SPSB4: variants seen among roughly 807,000 people sequenced by gnomAD.
SPSB4 encodes splA/ryanodine receptor domain and SOCS box containing 4.
Under a neutral mutation model 20.9 loss-of-function variants are expected in SPSB4, and 21 were observed. The ratio of observed to expected loss-of-function variants is 1.01; its 90% CI spans 0.71 to 1.45. The LOEUF is 1.45. SPSB4 is among the 40% of genes most tolerant of loss of function. SPSB4 has a pLI of 0.00. For synonymous variants in SPSB4, 207 were observed against 183.8 expected, an observed-to-expected ratio of 1.13 and a Z score of -1.02; for missense variants, 399 against 399.2, an observed-to-expected ratio of 1.00 and a Z score of 0.00.
At chr3:141,052,521 T>A (rs1349661032) in intron 1 of SPSB4, among the ~76,000 whole-genome samples, 2 of 152,294 alleles carry the variant, frequency 1.3e-5, no homozygotes, top group African/African-American at 2.4e-5. Flanking sequence ...CTGCAGCAGT[T>A]CCGTCGTCCG....
rs772716503 is a variant in SPSB4 at position 141,147,137 on chromosome 3, T to G, written c.695-5T>G. The G allele has an allele frequency of 6.2e-7, 1 of 1,613,842 alleles. No homozygotes were observed. Among genetic ancestry groups the G allele is most frequent in the Non-Finnish European group, 8.5e-7 (1 of 1,180,010 alleles). ...CACACTCTAACTGCTTCCCTCTCAT[T>G]GCAGCCGAGCCCCTGCCACTGATGG... On this transcript the variant is annotated splice_region_variant and splice_polypyrimidine_tract_variant and intron_variant, in intron 2 of 2. Coordinates refer to ENST00000310546, the MANE Select transcript of SPSB4 (RefSeq NM_080862.3).
intron 2 of SPSB4, among the ~76,000 whole-genome samples, chr3:141,130,484 T>C (rs1343776984): frequency 6.6e-6 from 1 of 152,202 alleles, no homozygotes. Context: ...CAAACAGTGC[T>C]CAGGTCTATT....
At chr3:141,053,855 A>T (rs76865270) in intron 1 of SPSB4, among the ~76,000 whole-genome samples, 3 of 152,054 alleles carry the variant, frequency 2.0e-5, no homozygotes, top group African/African-American at 4.8e-5. Flanking sequence ...ACAGAGTAAA[A>T]TCTAGATGAT....
At chr3:141,073,628 C>T (rs1027394479) in intron 2 of SPSB4, among the ~76,000 whole-genome samples, 2 of 152,194 alleles carry the variant, frequency 1.3e-5, no homozygotes, top group African/African-American at 2.4e-5. Context: ...TTCAACCACC[C>T]TATAGCAGCC....
intron 2 of SPSB4, among the ~76,000 whole-genome samples, chr3:141,118,011 A>G (rs935157396): frequency 6.6e-6 from 1 of 152,236 alleles, no homozygotes; most frequent in Non-Finnish European, 1.5e-5. Flanking sequence ...CCCTTTGGGT[A>G]TATACCCAGT....
intron 2 of SPSB4, among the ~76,000 whole-genome samples, chr3:141,119,130 T>C (rs562186258): frequency 1.3e-5 from 2 of 152,378 alleles, no homozygotes; most frequent in East Asian, 1.9e-4. Context: ...GAGTATGGAA[T>C]GTTCTTCCAT....
intron 1 of SPSB4, among the ~76,000 whole-genome samples, chr3:141,062,015 G>A (rs1447763756): frequency 6.6e-6 from 1 of 152,162 alleles, no homozygotes. Flanking sequence ...GATTACAGGT[G>A]TGAGCCACCA....
intron 2 of SPSB4, among the ~76,000 whole-genome samples, chr3:141,094,447 T>A (rs1215979926): frequency 6.6e-6 from 1 of 152,150 alleles, no homozygotes; most frequent in Non-Finnish European, 1.5e-5. Context: ...CAGTTCCTTA[T>A]CTCTGTCAGT....
chr3:141,108,115 C>T (rs1213866016), intron 2 of SPSB4, among the ~76,000 whole-genome samples: 2 of 151,964 alleles, frequency 1.3e-5, no homozygotes, highest in African/African-American at 4.8e-5. Context: ...TGGGGGCCAG[C>T]GAGGGTCAGA....
chr3:141,131,557 A>G (rs1374936426), intron 2 of SPSB4, among the ~76,000 whole-genome samples: 1 of 148,968 alleles, frequency 6.7e-6, no homozygotes. Context: ...CCCTAACTTC[A>G]TCACCTTGCT....
chr3:141,113,774 T>G (rs556057885), intron 2 of SPSB4, among the ~76,000 whole-genome samples: 27 of 152,196 alleles, frequency 1.8e-4, no homozygotes, highest in Non-Finnish European at 2.9e-4. Flanking sequence ...GTGAATGTAT[T>G]AAATGCCACT....
At chr3:141,122,362 G>T (rs1015349307) in intron 2 of SPSB4, among the ~76,000 whole-genome samples, 14 of 152,134 alleles carry the variant, frequency 9.2e-5, no homozygotes, top group Non-Finnish European at 1.5e-4. Context: ...TCCCAGTCAG[G>T]CTACACAGGG....
rs190323477 is a variant in SPSB4 at position 141,119,182 on chromosome 3, G to A, written c.695-27960G>A. On this transcript the variant is annotated intron_variant, in intron 2 of 2. Transcript: ENST00000310546. Reference sequence around the variant, plus strand: ...TTATTTCATTGAGCAGTGGTTTGTAGTTCTCCTTGAAGAGGTCCTTCACAT... The same window carrying A: ...TTATTTCATTGAGCAGTGGTTTGTAATTCTCCTTGAAGAGGTCCTTCACAT... 7.4e-3 allele frequency among the ~76,000 whole-genome samples: 1,125 copies of A among 152,258 alleles called. 15 individuals are homozygous for A. Among genetic ancestry groups the A allele is most frequent in the African/African-American group, 0.026 (1,069 of 41,564 alleles).
At chr3:141,081,667 C>G (rs897688872) in intron 2 of SPSB4, among the ~76,000 whole-genome samples, 1 of 151,500 alleles carries the variant, frequency 6.6e-6, no homozygotes, top group African/African-American at 2.4e-5. Context: ...GGCAGCTGTG[C>G]AGAACACAGT....
intron 2 of SPSB4, among the ~76,000 whole-genome samples, chr3:141,099,069 C>A (rs1365268749): frequency 6.6e-6 from 1 of 152,172 alleles, no homozygotes; most frequent in Non-Finnish European, 1.5e-5. Context: ...TGAGCATGGA[C>A]CCCTCAGGAC....
At chr3:141,063,746 G>T (rs1166700817) in intron 1 of SPSB4, among the ~76,000 whole-genome samples, 1 of 152,166 alleles carries the variant, frequency 6.6e-6, no homozygotes, top group Non-Finnish European at 1.5e-5. Context: ...TCCTGTGCTG[G>T]TTCCTCTTTG....
intron 2 of SPSB4, among the ~76,000 whole-genome samples, chr3:141,078,781 C>T (rs746973617): frequency 3.3e-5 from 5 of 152,224 alleles, no homozygotes; most frequent in South Asian, 2.1e-4. Context: ...CCAGGAGGTA[C>T]GGTGCTCTTG....
intron 2 of SPSB4, among the ~76,000 whole-genome samples, chr3:141,101,943 C>G (rs1034560663): frequency 2.0e-5 from 3 of 152,232 alleles, no homozygotes; most frequent in Non-Finnish European, 4.4e-5. Flanking sequence ...AGGCAGTACT[C>G]CTTCTCAAGG....
intron 2 of SPSB4, among the ~76,000 whole-genome samples, chr3:141,122,816 A>G (rs998389085): frequency 6.6e-6 from 1 of 152,236 alleles, no homozygotes; most frequent in East Asian, 1.9e-4. Flanking sequence ...GTATTTGGGC[A>G]GGAGTGTACC....
Sources: allele counts gnomAD v4.1 joint callset (sites outside exome capture counted in the v4.1 genomes callset), GRCh38; gene constraint gnomAD v4.1.1; transcripts MANE v1.5; gene names NCBI Gene and HGNC (gene_info 2026-07-23, HGNC 2026-07-21).